ASTN2: variants seen among roughly 807,000 people sequenced by gnomAD.
The protein encoded by ASTN2 is astrotactin 2, also known as astrotactin-2.
ASTN2 carries 54 observed loss-of-function variants against 139.8 expected under a neutral mutation model. The ratio of observed to expected loss-of-function variants is 0.39; its 90% CI spans 0.31 to 0.48. The LOEUF (loss-of-function observed/expected upper bound fraction) is 0.48. ASTN2 is among the 20% of genes least tolerant of loss of function. The probability of loss-of-function intolerance (pLI) is 0.95; values close to 1 mark genes in which losing one functional copy is unlikely to be tolerated. For synonymous variants in ASTN2, 756 were observed against 719.5 expected, an observed-to-expected ratio of 1.05 and a Z score of -0.81; for missense variants, 1,565 against 1,725.1, an observed-to-expected ratio of 0.91 and a Z score of 1.64.
chr9:116,611,253 T>A (rs1855525625), intron 19 of ASTN2: 1 of 151,992 alleles, frequency 6.6e-6, no homozygotes, highest in Non-Finnish European at 1.5e-5. Context: ...AAACGCAACA[T>A]AACACAATCT....
At chr9:116,943,161 T>C (rs1047080597) in intron 10 of ASTN2, among the ~76,000 whole-genome samples, 1 of 152,164 alleles carries the variant, frequency 6.6e-6, no homozygotes, top group African/African-American at 2.4e-5. Context: ...GCTCATAGAC[T>C]GAAGGGAAGG....
chr9:116,551,365 C>A (rs1311201808), intron 19 of ASTN2, among the ~76,000 whole-genome samples: 2 of 152,210 alleles, frequency 1.3e-5, no homozygotes, highest in Non-Finnish European at 2.9e-5. Flanking sequence ...AATCAATGTG[C>A]ATATCCCATT....
chr9:117,100,339 A>AACCAG lies in ASTN2; in HGVS notation c.1169-4193_1169-4189dup, dbSNP rs144569197. On this transcript the variant is annotated intron_variant, in intron 4 of 22. Coordinates refer to ENST00000313400, the MANE Select transcript of ASTN2 (RefSeq NM_001365068.1). ...CTGAGGCTCAGAAACAATGTCTATA[A>AACCAG]ACCAGATTCAATAGAAATATAATGC... Among the ~76,000 whole-genome samples the AACCAG allele has an allele frequency of 4.5e-3, 682 of 152,344 alleles. 7 individuals are homozygous for AACCAG. Among genetic ancestry groups the AACCAG allele is most frequent in the African/African-American group, 0.016 (657 of 41,580 alleles).
chr9:116,717,555 A>G (rs1392164860), intron 16 of ASTN2, among the ~76,000 whole-genome samples: 2 of 152,256 alleles, frequency 1.3e-5, no homozygotes, highest in South Asian at 2.1e-4. Flanking sequence ...GCACAAAGGG[A>G]GAGGAAAGGG....
chr9:116,639,819 C>G (rs1240664743), intron 17 of ASTN2, among the ~76,000 whole-genome samples: 1 of 152,202 alleles, frequency 6.6e-6, no homozygotes, highest in Non-Finnish European at 1.5e-5. Context: ...TGAAGATAAA[C>G]AGTGCTACCT....
chr9:117,323,285 C>A (rs1437042924), intron 1 of ASTN2, among the ~76,000 whole-genome samples: 3 of 152,008 alleles, frequency 2.0e-5, no homozygotes, highest in Non-Finnish European at 4.4e-5. Flanking sequence ...CACCTCTGAC[C>A]CCCCAAAGCC....
chr9:116,925,379 T>C (rs73527995), intron 10 of ASTN2, among the ~76,000 whole-genome samples: 2,946 of 152,266 alleles, frequency 0.019, 80 homozygotes, highest in African/African-American at 0.062. Flanking sequence ...CCTATCATGA[T>C]AGTCATTTTT....
intron 11 of ASTN2, among the ~76,000 whole-genome samples, chr9:116,838,798 T>C (rs1832099981): frequency 6.6e-6 from 1 of 152,180 alleles, no homozygotes. Flanking sequence ...TCTCCTTCAA[T>C]GGAGGCACTG....
chr9:117,211,279 C>T (rs973332570), intron 3 of ASTN2, among the ~76,000 whole-genome samples: 3 of 152,164 alleles, frequency 2.0e-5, no homozygotes, highest in Non-Finnish European at 2.9e-5. Flanking sequence ...TCTACCTAAA[C>T]GTCTTAGAAA....
intron 19 of ASTN2, among the ~76,000 whole-genome samples, chr9:116,548,065 C>T (rs73524147): frequency 0.024 from 3,580 of 151,776 alleles, 132 homozygotes; most frequent in African/African-American, 0.082. Context: ...CTCCTCTTAG[C>T]TCCCCCACCC....
chr9:117,257,327 G>A (rs1160986856), intron 2 of ASTN2, among the ~76,000 whole-genome samples: 1 of 152,190 alleles, frequency 6.6e-6, no homozygotes, highest in Non-Finnish European at 1.5e-5. Context: ...CAACATGGAA[G>A]GAAAAGTAGA....
At chr9:117,287,538 T>C (rs1156636028) in intron 2 of ASTN2, among the ~76,000 whole-genome samples, 2 of 152,180 alleles carry the variant, frequency 1.3e-5, no homozygotes, top group Non-Finnish European at 2.9e-5. Context: ...GTCACGTAGA[T>C]AGGTATTTAT....
chr9:116,856,208 C>T (rs755462644), intron 11 of ASTN2, among the ~76,000 whole-genome samples: 1 of 152,176 alleles, frequency 6.6e-6, no homozygotes, highest in Non-Finnish European at 1.5e-5. Context: ...TGGATTTTGG[C>T]AAAATCTGTC....
At chr9:116,759,947 G>T (rs778711788) in intron 13 of ASTN2, among the ~76,000 whole-genome samples, 3 of 152,120 alleles carry the variant, frequency 2.0e-5, no homozygotes, top group Non-Finnish European at 4.4e-5. Flanking sequence ...TTAAATATCC[G>T]TTTAATGTCA....
chr9:116,886,375 CT>C (rs1400628393), intron 10 of ASTN2, among the ~76,000 whole-genome samples: 1 of 152,172 alleles, frequency 6.6e-6, no homozygotes, highest in East Asian at 1.9e-4. Flanking sequence ...TTTTTTCTTT[CT>C]TTCTTTTCTT....
intron 1 of ASTN2, among the ~76,000 whole-genome samples, chr9:117,296,979 G>A (rs770391320): frequency 1.1e-4 from 17 of 152,022 alleles, no homozygotes; most frequent in Admixed American, 2.0e-4. Context: ...TCAGCCTCCC[G>A]GAAAAGAAAT....
chr9:116,895,014 C>A (rs1391560589), intron 10 of ASTN2, among the ~76,000 whole-genome samples: 1 of 152,172 alleles, frequency 6.6e-6, no homozygotes, highest in African/African-American at 2.4e-5. Flanking sequence ...TGGTAGAATT[C>A]TCTGAAAACC....
rs1025789595 is a variant in ASTN2, at chr9:116,652,524, A to G, written c.2807-731T>C. 1.3e-4 allele frequency among the ~76,000 whole-genome samples: 20 copies of G among 152,270 alleles called. No individual in the cohort carries two copies. In the Middle Eastern group the frequency reaches 0.01, roughly 78 times the overall value. On this transcript the variant is annotated intron_variant, in intron 16 of 22. Transcript: ENST00000313400. ...ATTTATATCTAGTCCTATATTTTCC[A>G]TGCAGCCCAATATTACAAGAAAAAC...
chr9:117,106,752 C>T (rs1199115873), intron 4 of ASTN2, among the ~76,000 whole-genome samples: 5 of 151,842 alleles, frequency 3.3e-5, no homozygotes, highest in Admixed American at 3.3e-4. Flanking sequence ...TGAGCATATC[C>T]TGTGAATTTT....
Sources: allele counts gnomAD v4.1 joint callset (sites outside exome capture counted in the v4.1 genomes callset), GRCh38; gene constraint gnomAD v4.1.1; transcripts MANE v1.5; gene names NCBI Gene and HGNC (gene_info 2026-07-23, HGNC 2026-07-21).